Variants in SNX8 observed in about 807,000 individuals in gnomAD.
SNX8 encodes the protein sorting nexin-8.
SNX8 carries 25 observed loss-of-function variants against 51.6 expected under a neutral mutation model. The ratio of observed to expected loss-of-function variants is 0.48; its 90% CI spans 0.35 to 0.68. SNX8 has a LOEUF of 0.68. Ranked by LOEUF, SNX8 falls within the 30% of genes least tolerant of loss-of-function variation. The pLI is 0.00. For synonymous variants in SNX8, 324 were observed against 277.0 expected, an observed-to-expected ratio of 1.17 and a Z score of -1.68; for missense variants, 695 against 624.0, an observed-to-expected ratio of 1.11 and a Z score of -1.21.
At chr7:2,347,502 A>G (rs968807550) in intron 1 of SNX8, among the ~76,000 whole-genome samples, 3 of 149,234 alleles carry the variant, frequency 2.0e-5, no homozygotes, top group African/African-American at 7.4e-5. Flanking sequence ...AAAAAAAAGA[A>G]AAAAAAAAGA....
intron 1 of SNX8, among the ~76,000 whole-genome samples, chr7:2,319,467 T>G (rs115554995): frequency 0.015 from 2,279 of 150,216 alleles, 53 homozygotes; most frequent in African/African-American, 0.053. Context: ...CAAGACAAGC[T>G]TGGCCAACCA....
At chr7:2,329,831 CTTTT>C (rs71023395) in intron 1 of SNX8, among the ~76,000 whole-genome samples, 3 of 142,558 alleles carry the variant, frequency 2.1e-5, no homozygotes, top group African/African-American at 2.6e-5. Flanking sequence ...TTGCAATGTC[CTTTT>C]TTTTTTTTTT....
At chr7:2,272,123 T>C (rs1795663344) in intron 3 of SNX8, 152 bp from the exon 4 acceptor site, 4 of 1,098,262 alleles carry the variant, frequency 3.6e-6, no homozygotes, top group East Asian at 2.6e-5. Context: ...GCTCAGACAA[T>C]GGGTCTGAAA....
At chr7:2,283,455 T>A (rs2115148969) in intron 1 of SNX8, among the ~76,000 whole-genome samples, 1 of 152,338 alleles carries the variant, frequency 6.6e-6, no homozygotes, top group East Asian at 1.9e-4. Context: ...GGAGAGGCCT[T>A]CAGGGCCGGT....
chr7:2,314,269 G>A (rs1584733990), intron 1 of SNX8, 59 bp downstream of exon 1: 3 of 1,212,538 alleles, frequency 2.5e-6, no homozygotes, highest in Non-Finnish European at 3.1e-6. Flanking sequence ...CCCGTCCGCC[G>A]GGGGTGGTCG....
intron 5 of SNX8, among the ~76,000 whole-genome samples, chr7:2,268,986 G>A (rs1302061900): frequency 6.5e-5 from 9 of 138,576 alleles, no homozygotes; most frequent in Admixed American, 7.3e-5. Flanking sequence ...CTACTGGGAA[G>A]TGAGGAGCCC....
chr7:2,339,040 T>G (rs1243884413), intron 1 of SNX8, among the ~76,000 whole-genome samples: 1 of 151,984 alleles, frequency 6.6e-6, no homozygotes, highest in African/African-American at 2.4e-5. Context: ...GCCTCCCCAG[T>G]AGCTAGAACC....
intron 2 of SNX8, among the ~76,000 whole-genome samples, chr7:2,276,682 C>T (rs1462445962): frequency 3.3e-5 from 5 of 151,462 alleles, no homozygotes; most frequent in Admixed American, 6.6e-5. Context: ...TGGTGGCTCA[C>T]GCCTGTAATC....
intron 1 of SNX8, among the ~76,000 whole-genome samples, chr7:2,327,765 A>G (rs919517227): frequency 1.3e-5 from 2 of 151,898 alleles, no homozygotes; most frequent in Admixed American, 6.6e-5. Context: ...GATGGTCTCT[A>G]TCTCCTGACC....
chr7:2,314,061 G>A (rs1796711789), intron 1 of SNX8, among the ~76,000 whole-genome samples: 1 of 152,210 alleles, frequency 6.6e-6, no homozygotes, highest in African/African-American at 2.4e-5. Flanking sequence ...TCGGAACGCG[G>A]CCAGCTGTAA....
intron 1 of SNX8, among the ~76,000 whole-genome samples, chr7:2,298,675 T>C (rs2115180511): frequency 6.6e-6 from 1 of 150,536 alleles, no homozygotes; most frequent in African/African-American, 2.5e-5. Context: ...CAACCTGGGT[T>C]TTGGTTTTGT....
At chr7:2,282,139 A>G (rs1182773942) in intron 1 of SNX8, among the ~76,000 whole-genome samples, 6 of 152,362 alleles carry the variant, frequency 3.9e-5, no homozygotes, top group South Asian at 4.1e-4. Context: ...AAAACATTCA[A>G]TAAGTGTCCC....
At chr7:2,314,815 C>T (rs1443224396), upstream of SNX8, among the ~76,000 whole-genome samples, 1 of 152,234 alleles carries the variant, frequency 6.6e-6, no homozygotes, top group Non-Finnish European at 1.5e-5. Context: ...TTTTCTGACT[C>T]GCACTTCCTC....
At chr7:2,302,644 T>C (rs1796426188) in intron 1 of SNX8, among the ~76,000 whole-genome samples, 1 of 150,668 alleles carries the variant, frequency 6.6e-6, no homozygotes, top group Non-Finnish European at 1.5e-5. Context: ...TGCCACCCCA[T>C]CTAGGAAGTG....
At chr7:2,318,200 A>G (rs1347075901), upstream of SNX8, among the ~76,000 whole-genome samples, 1 of 152,114 alleles carries the variant, frequency 6.6e-6, no homozygotes, top group East Asian at 1.9e-4. Flanking sequence ...ACAGGCCACC[A>G]TGCCCAGCTG....
intron 1 of SNX8, among the ~76,000 whole-genome samples, chr7:2,304,126 C>G (rs1373857491): frequency 6.8e-6 from 1 of 147,780 alleles, no homozygotes; most frequent in East Asian, 2.0e-4. Flanking sequence ...GAGACTGTGC[C>G]ACTGCACTCC....
chr7:2,264,672 C>T (rs1795423249), intron 5 of SNX8, among the ~76,000 whole-genome samples: 1 of 152,190 alleles, frequency 6.6e-6, no homozygotes, highest in South Asian at 2.1e-4. Flanking sequence ...AACACAAAGA[C>T]AAATGATCCC....
chr7:2,283,134 G>C (rs534133652), intron 1 of SNX8, among the ~76,000 whole-genome samples: 230 of 150,904 alleles, frequency 1.5e-3, no homozygotes, highest in Non-Finnish European at 2.5e-3. Flanking sequence ...AAAAAAAAAA[G>C]AAACAAACAA....
rs537516014 is a variant in SNX8, at chr7:2,335,531, G to A, written c.-66+18691C>T. Among the ~76,000 whole-genome samples the A allele has an allele frequency of 3.0e-4, 46 of 152,274 alleles. 1 individual carries two copies. The highest frequency in any genetic ancestry group is 2.6e-3 in the Admixed American group (40 of 15,286). On this transcript the variant is annotated intron_variant, in intron 1 of 5. Transcript: ENST00000435336. Reference sequence around the variant, plus strand: ...ATGCTGAGTGAAAGTAGCCAGGCGCGGTGGCTCACGCCTGTAATCCCAGCA... The same window carrying A: ...ATGCTGAGTGAAAGTAGCCAGGCGCAGTGGCTCACGCCTGTAATCCCAGCA...
Sources: gnomAD v4.1 joint callset for allele counts (sites outside exome capture counted in the v4.1 genomes callset) on GRCh38, gnomAD v4.1.1 for gene constraint, MANE v1.5 for transcripts, NCBI Gene and HGNC (gene_info 2026-07-23, HGNC 2026-07-21) for gene names.